The following ATP10B variants were observed in gnomAD, a reference collection of about 807,000 sequenced individuals.
The protein encoded by ATP10B is ATPase phospholipid transporting 10B (putative).
ATP10B carries 122 observed loss-of-function variants against 141.2 expected under a neutral mutation model. The ratio of observed to expected loss-of-function variants is 0.86; its 90% CI spans 0.75 to 1.00. ATP10B has a LOEUF of 1.00. Ranked by LOEUF, ATP10B falls within the 50% of genes least tolerant of loss-of-function variation. The probability of loss-of-function intolerance (pLI) is 0.00; values close to 1 mark genes in which losing one functional copy is unlikely to be tolerated. For synonymous variants in ATP10B, 685 were observed against 692.0 expected, an observed-to-expected ratio of 0.99 and a Z score of 0.16; for missense variants, 1,876 against 1,825.3, an observed-to-expected ratio of 1.03 and a Z score of -0.51.
the ATP10B span, among the ~76,000 whole-genome samples, chr5:160,879,746 G>T: frequency 6.6e-5 from 10 of 152,198 alleles, no homozygotes; most frequent in South Asian, 1.0e-3. Context: ...GCTGAGGCAG[G>T]GGAATGGCGT....
chr5:160,700,775 A>G (rs1162930273), intron 3 of ATP10B, among the ~76,000 whole-genome samples: 1 of 152,184 alleles, frequency 6.6e-6, no homozygotes, highest in African/African-American at 2.4e-5. Flanking sequence ...AGGAATTTCA[A>G]GAAAGATCCA....
intron 22 of ATP10B, among the ~76,000 whole-genome samples, chr5:160,598,373 T>A (rs1756867969): frequency 6.6e-6 from 1 of 151,432 alleles, no homozygotes; most frequent in Non-Finnish European, 1.5e-5. Flanking sequence ...AACATCACAC[T>A]CTGGGGACTG....
the ATP10B span, among the ~76,000 whole-genome samples, chr5:160,919,764 G>C: frequency 5.3e-5 from 8 of 152,252 alleles, no homozygotes; most frequent in Admixed American, 3.3e-4. Context: ...GCTTCCGCTA[G>C]CTCTCTTTAC....
the ATP10B span, among the ~76,000 whole-genome samples, chr5:160,869,546 A>G: frequency 6.6e-6 from 1 of 152,254 alleles, no homozygotes; most frequent in South Asian, 2.1e-4. Context: ...CTGGCTTCCA[A>G]TTCTGCATGT....
At chr5:160,906,073 CTTTTAGA>C in the ATP10B span, among the ~76,000 whole-genome samples, 1 of 152,114 alleles carries the variant, frequency 6.6e-6, no homozygotes, top group Admixed American at 6.6e-5. Flanking sequence ...AGTTACCTGA[CTTTTAGA>C]TTTTAGATTT....
At chr5:160,653,494 ATATG>A (rs1267467434) in intron 7 of ATP10B, among the ~76,000 whole-genome samples, 1 of 81,480 alleles carries the variant, frequency 1.2e-5, no homozygotes, top group African/African-American at 4.0e-5. Flanking sequence ...GTATATATAC[ATATG>A]TACATATATA....
At chr5:160,683,837 A>G (rs1390003390) in intron 6 of ATP10B, among the ~76,000 whole-genome samples, 5 of 152,154 alleles carry the variant, frequency 3.3e-5, no homozygotes, top group Non-Finnish European at 5.9e-5. Flanking sequence ...TTTTAGGACT[A>G]TGTGGGTTAT....
At chr5:160,774,734 C>T (rs17058247) in intron 2 of ATP10B, among the ~76,000 whole-genome samples, 62,893 of 151,980 alleles carry the variant, frequency 0.41, 13,390 homozygotes, top group East Asian at 0.6. Context: ...CTGGGTGTTA[C>T]GTTTTGCAAG....
At chr5:160,749,712 A>AAAG (rs1015776036) in intron 2 of ATP10B, among the ~76,000 whole-genome samples, 2 of 152,222 alleles carry the variant, frequency 1.3e-5, no homozygotes, top group Non-Finnish European at 2.9e-5. Flanking sequence ...CCTTTGAAGA[A>AAAG]AAGCTGTGGA....
At position 160,574,365 on chromosome 5, in the gene ATP10B, G is replaced by A. The variant is rs141903583; in HGVS notation, c.3751-4682C>T. Reference sequence around the variant, plus strand: ...AGGAGAATCACTTGAACCCGGAGGCGGAGGTTGCAGTGAGCCCAGATTGCG... The same window carrying A: ...AGGAGAATCACTTGAACCCGGAGGCAGAGGTTGCAGTGAGCCCAGATTGCG... On this transcript the variant is annotated intron_variant, in intron 24 of 25. Transcript: ENST00000327245. 9.5e-3 allele frequency among the ~76,000 whole-genome samples: 1,446 copies of A among 152,250 alleles called. 18 individuals are homozygous for A. Among genetic ancestry groups the A allele is most frequent in the African/African-American group, 0.033 (1,365 of 41,538 alleles).
At position 160,649,213 on chromosome 5, in the gene ATP10B, C is replaced by A; in HGVS notation, c.719G>T (p.Cys240Phe). The change falls in exon 8 of 26, where the codon TGT becomes TTT. Residue 240 changes from cysteine to phenylalanine, a missense_variant. By Grantham distance (205) the Cys-to-Phe change is radical (BLOSUM62 -2). Transcript: ENST00000327245. ...GTTGAGGTGGTTGTTGGGTTTCTCA[C>A]ACACGATGGTATTGTGGAAAAGCTC... Reference protein sequence around the residue: ...EPELFHNTIVCEKPNNHLNKF... With the variant: ...EPELFHNTIVFEKPNNHLNKF... 6.2e-7 allele frequency: 1 copy of A among 1,614,014 alleles called. No homozygotes were observed. The highest frequency in any genetic ancestry group is 2.2e-5 in the East Asian group (1 of 44,876).
chr5:160,847,229 T>G (rs1776179178), intron 1 of ATP10B, among the ~76,000 whole-genome samples: 1 of 152,206 alleles, frequency 6.6e-6, no homozygotes, highest in Non-Finnish European at 1.5e-5. Context: ...TCATCAGAAT[T>G]GCCAATATTT....
At chr5:160,631,464 C>G (rs1758935661) in intron 13 of ATP10B, among the ~76,000 whole-genome samples, 1 of 152,196 alleles carries the variant, frequency 6.6e-6, no homozygotes, top group Non-Finnish European at 1.5e-5. Flanking sequence ...CCACAAACAG[C>G]AATGCCCATA....
the ATP10B span, among the ~76,000 whole-genome samples, chr5:160,909,001 A>C: frequency 6.6e-6 from 1 of 152,148 alleles, no homozygotes; most frequent in Non-Finnish European, 1.5e-5. Context: ...TCAAATATCT[A>C]CTATGTGCCA....
At position 160,620,948 on chromosome 5, in the gene ATP10B, G is replaced by T; in HGVS notation, c.1815C>A (p.Val605=). 6.2e-7 allele frequency: 1 copy of T among 1,608,590 alleles called. No homozygotes were observed. Among genetic ancestry groups the T allele is most frequent in the South Asian group, 1.1e-5 (1 of 90,370 alleles). ...VSTTTEPRQR[V]TIKPSSKALG... ...GAGCCTTGCTTGAGGGTTTGATGGT[G>T]ACCTTGTGGCCAAAGAAGGAAAGTG... Residue 605 remains valine (V), a splice_region_variant and synonymous_variant, in exon 15 of 26, where the codon GTC becomes GTA. Coordinates refer to ENST00000327245, the MANE Select transcript of ATP10B (RefSeq NM_025153.3).
At chr5:160,654,475 A>G (rs1217208425) in intron 7 of ATP10B, among the ~76,000 whole-genome samples, 1 of 152,164 alleles carries the variant, frequency 6.6e-6, no homozygotes, top group African/African-American at 2.4e-5. Flanking sequence ...AAGACACAGG[A>G]AAAGACCAAT....
intron 22 of ATP10B, among the ~76,000 whole-genome samples, chr5:160,595,295 G>C (rs556161305): frequency 6.6e-6 from 1 of 151,828 alleles, no homozygotes; most frequent in Admixed American, 6.6e-5. Flanking sequence ...ATGACTACTG[G>C]GTACATAACG....
chr5:160,765,107 T>C (rs543741711), intron 2 of ATP10B, among the ~76,000 whole-genome samples: 1 of 152,206 alleles, frequency 6.6e-6, no homozygotes, highest in Non-Finnish European at 1.5e-5. Flanking sequence ...CCCATATTCA[T>C]GAATGGGTAG....
upstream of ATP10B, among the ~76,000 whole-genome samples, chr5:160,854,037 T>C (rs1368970979): frequency 6.6e-6 from 1 of 152,102 alleles, no homozygotes; most frequent in Non-Finnish European, 1.5e-5. Flanking sequence ...TTTTGTATTC[T>C]TGCTGCCCAA....
Sources: allele counts gnomAD v4.1 joint callset (sites outside exome capture counted in the v4.1 genomes callset), GRCh38; gene constraint gnomAD v4.1.1; transcripts MANE v1.5; gene names NCBI Gene and HGNC (gene_info 2026-07-23, HGNC 2026-07-21).